ZCCHC7: variants seen among roughly 807,000 people sequenced by gnomAD.
The protein encoded by ZCCHC7 is zinc finger CCHC domain-containing protein 7.
In ZCCHC7, 35 loss-of-function variants were observed where a neutral mutation model predicts 52.0. The ratio of observed to expected loss-of-function variants is 0.67; its 90% CI spans 0.51 to 0.89. The LOEUF (loss-of-function observed/expected upper bound fraction) is 0.89, where lower values mean the gene tolerates loss of function less well. Ranked by LOEUF, ZCCHC7 falls within the 40% of genes least tolerant of loss-of-function variation. The pLI, the probability that ZCCHC7 is intolerant of heterozygous loss-of-function variation, is 0.00. For missense variants in ZCCHC7, 574 were observed against 649.1 expected, an observed-to-expected ratio of 0.88 and a Z score of 1.26; for synonymous variants, 217 against 221.5, an observed-to-expected ratio of 0.98 and a Z score of 0.18.
intron 2 of ZCCHC7, among the ~76,000 whole-genome samples, chr9:37,178,478 G>GA (rs1822175722): frequency 4.0e-5 from 6 of 149,496 alleles, no homozygotes; most frequent in African/African-American, 9.9e-5. Context: ...AGGTAAAAGA[G>GA]AAAGTAGAAA....
chr9:37,347,421 T>C (rs1049881222), intron 6 of ZCCHC7, among the ~76,000 whole-genome samples: 1 of 152,218 alleles, frequency 6.6e-6, no homozygotes, highest in African/African-American at 2.4e-5. Context: ...GTAATTGAGG[T>C]TCTTGCTATT....
At chr9:37,330,399 T>G (rs1035839506) in intron 6 of ZCCHC7, among the ~76,000 whole-genome samples, 3 of 151,720 alleles carry the variant, frequency 2.0e-5, no homozygotes, top group African/African-American at 7.2e-5. Context: ...ACCATCATTC[T>G]AAAGGGTTCA....
chr9:37,291,462 G>C (rs964872814), intron 2 of ZCCHC7, among the ~76,000 whole-genome samples: 1 of 151,996 alleles, frequency 6.6e-6, no homozygotes, highest in Non-Finnish European at 1.5e-5. Flanking sequence ...GCTTTGATAA[G>C]GACATGTGAT....
At chr9:37,223,612 A>C (rs537437067) in intron 2 of ZCCHC7, among the ~76,000 whole-genome samples, 2 of 152,286 alleles carry the variant, frequency 1.3e-5, no homozygotes, top group Admixed American at 6.5e-5. Flanking sequence ...ACTGAGTTGT[A>C]CATTTTAAAA....
In ZCCHC7 at chr9:37,126,583, A is replaced by G. The variant is rs765076999; in HGVS notation, c.251A>G (p.Gln84Arg). The change falls in exon 2 of 9, where the codon CAG becomes CGG. Residue 84 changes from glutamine (Q) to arginine (R), a missense_variant. Gln to Arg is a conservative substitution (Grantham distance 43). This residue lies in a region of ZCCHC7 where 403 missense variants were observed against 461.2 expected (regional missense o/e 0.87). Transcript: ENST00000336755. ...LIVLSDSEVI[Q>R]LSDGSEVITL... The stretch of plus-strand genomic sequence containing the variant: ...GTCCTTTCAGATAGTGAGGTCATCC[A>G]GCTGTCAGATGGGTCAGAGGTCATC... The G allele has an allele frequency of 1.9e-6, 3 of 1,614,084 alleles. No homozygotes were observed. The highest frequency in any genetic ancestry group is 2.2e-5 in the East Asian group (1 of 44,892).
chr9:37,203,745 G>A lies in ZCCHC7; in HGVS notation c.610+76803G>A, dbSNP rs575965862. On this transcript the variant is annotated intron_variant, in intron 2 of 8. Transcript: ENST00000336755. ...GGGTTGGTTCCATGTCTTTTGTATT[G>A]TGAATAGTGTTGCAGTAAACATATG... Among the ~76,000 whole-genome samples, 3 of 152,136 alleles carry A rather than the reference G, an allele frequency of 2.0e-5. No individual in the cohort carries two copies. The South Asian group carries it at 6.2e-4, about 32-fold the overall frequency.
At chr9:37,219,184 A>G (rs531577301) in intron 2 of ZCCHC7, among the ~76,000 whole-genome samples, 2 of 152,334 alleles carry the variant, frequency 1.3e-5, no homozygotes, top group East Asian at 3.9e-4. Context: ...TGGGCCAGGA[A>G]TTGTCAAACT....
At chr9:37,347,044 T>C (rs1223384858) in intron 6 of ZCCHC7, among the ~76,000 whole-genome samples, 3 of 152,120 alleles carry the variant, frequency 2.0e-5, no homozygotes, top group African/African-American at 7.2e-5. Flanking sequence ...AGACTTTCAA[T>C]AAACAACATA....
chr9:37,348,400 A>G (rs916404598), intron 6 of ZCCHC7, among the ~76,000 whole-genome samples: 3 of 55,950 alleles, frequency 5.4e-5, no homozygotes, highest in Non-Finnish European at 1.1e-4. Context: ...CTTTTTTGAC[A>G]TGGAGTCTCG....
chr9:37,332,709 A>G (rs941161109), intron 6 of ZCCHC7, among the ~76,000 whole-genome samples: 1 of 151,534 alleles, frequency 6.6e-6, no homozygotes, highest in African/African-American at 2.4e-5. Context: ...AGCAAATGAA[A>G]CCTGGAATTA....
intron 2 of ZCCHC7, among the ~76,000 whole-genome samples, chr9:37,144,437 G>A (rs993710206): frequency 6.6e-6 from 1 of 151,888 alleles, no homozygotes; most frequent in Non-Finnish European, 1.5e-5. Flanking sequence ...TGTCACAAAA[G>A]CTTGCAAAAC....
chr9:37,175,479 G>A (rs1457834022), intron 2 of ZCCHC7, among the ~76,000 whole-genome samples: 8 of 152,070 alleles, frequency 5.3e-5, no homozygotes, highest in Non-Finnish European at 8.8e-5. Flanking sequence ...CGAGATAGGC[G>A]GGTCACTTGA....
Position 37,292,173 on chromosome 9 carries a change from G to T in ZCCHC7, c.611-10015G>T, listed in dbSNP as rs13289080. Among the ~76,000 whole-genome samples, 1,280 of 152,280 alleles carry T rather than the reference G, an allele frequency of 8.4e-3. 11 individuals are homozygous for T. Among genetic ancestry groups the T allele is most frequent in the Non-Finnish European group, 0.013 (882 of 68,024 alleles). Reference sequence around the variant, plus strand: ...GCTGTCTTTATAGTCTCATTAAAATGTCTTATAAAATTATTTTTCATTATC... The same window carrying T: ...GCTGTCTTTATAGTCTCATTAAAATTTCTTATAAAATTATTTTTCATTATC... On this transcript the variant is annotated intron_variant, in intron 2 of 8. Coordinates refer to ENST00000336755, the MANE Select transcript of ZCCHC7 (RefSeq NM_032226.3).
chr9:37,129,120 T>G (rs988030536), intron 2 of ZCCHC7, among the ~76,000 whole-genome samples: 1 of 152,240 alleles, frequency 6.6e-6, no homozygotes, highest in Non-Finnish European at 1.5e-5. Flanking sequence ...AAAAAAAAGC[T>G]TATTATCTTT....
At chr9:37,258,919 A>G (rs907268237) in intron 2 of ZCCHC7, among the ~76,000 whole-genome samples, 1 of 152,112 alleles carries the variant, frequency 6.6e-6, no homozygotes, top group African/African-American at 2.4e-5. Context: ...GAAGTTAAAG[A>G]AAAGTGGCCA....
chr9:37,176,338 G>T lies in ZCCHC7; in HGVS notation c.610+49396G>T, dbSNP rs1421178978. On this transcript the variant is annotated intron_variant, in intron 2 of 8. Transcript: ENST00000336755. ...TCCGCCTGCCTCGGCCTCCCAAAGT[G>T]CTGGGATTACAGGCGTGAGCCACCG... is the stretch of plus-strand genomic sequence containing the variant. Among the ~76,000 whole-genome samples the T allele has an allele frequency of 2.6e-5, 4 of 152,286 alleles. 1 individual carries two copies. Among genetic ancestry groups the T allele is most frequent in the African/African-American group, 9.6e-5 (4 of 41,552 alleles).
intron 2 of ZCCHC7, among the ~76,000 whole-genome samples, chr9:37,210,204 C>T (rs1329637397): frequency 3.3e-5 from 5 of 152,004 alleles, no homozygotes; most frequent in Non-Finnish European, 5.9e-5. Context: ...CACTTTATCC[C>T]TGAATGCTAA....
chr9:37,254,022 A>G (rs1221771346), intron 2 of ZCCHC7, among the ~76,000 whole-genome samples: 1 of 151,936 alleles, frequency 6.6e-6, no homozygotes, highest in Non-Finnish European at 1.5e-5. Flanking sequence ...TATGTTAGTA[A>G]TAGTAATATA....
Position 37,126,450 on chromosome 9 carries a change from C to T in ZCCHC7, c.118C>T (p.His40Tyr), listed in dbSNP as rs1465780960. 1 of 1,613,594 alleles carries T rather than the reference C, an allele frequency of 6.2e-7. No homozygotes were observed. Among genetic ancestry groups the T allele is most frequent in the Non-Finnish European group, 8.5e-7 (1 of 1,180,028 alleles). Residue 40 changes from histidine (H) to tyrosine (Y), a missense_variant, in exon 2 of 9, where the codon CAT becomes TAT. Coordinates refer to ENST00000336755, the MANE Select transcript of ZCCHC7 (RefSeq NM_032226.3). The stretch of plus-strand genomic sequence containing the variant: ...GGAATTTCAACTCTATAGCCAAATT[C>T]ATTATGCCCAAGATCTTGATGATGT... ...EVEFQLYSQIHYAQDLDDVIR... is the reference protein window; with the variant it reads ...EVEFQLYSQIYYAQDLDDVIR...
Sources: allele counts gnomAD v4.1 joint callset (sites outside exome capture counted in the v4.1 genomes callset), GRCh38; gene constraint gnomAD v4.1.1; regional missense constraint gnomAD v4.1.1; transcripts MANE v1.5; gene names NCBI Gene and HGNC (gene_info 2026-07-23, HGNC 2026-07-21).